Variants in GALNT7 observed in about 807,000 individuals in gnomAD.
GALNT7 encodes polypeptide N-acetylgalactosaminyltransferase 7, also known as N-acetylgalactosaminyltransferase 7.
Under a neutral mutation model 82.1 loss-of-function variants are expected in GALNT7, and 60 were observed. The observed-to-expected ratio is 0.73, with a 90% CI of 0.59 to 0.91. GALNT7 has a LOEUF of 0.91. GALNT7 is among the 40% of genes least tolerant of loss of function. The probability of loss-of-function intolerance (pLI) is 0.00; values close to 1 mark genes in which losing one functional copy is unlikely to be tolerated. For synonymous variants in GALNT7, 243 were observed against 275.1 expected, an observed-to-expected ratio of 0.88 and a Z score of 1.15; for missense variants, 660 against 804.2, an observed-to-expected ratio of 0.82 and a Z score of 2.17.
At chr4:173,207,453 T>C (rs1362799378) in intron 1 of GALNT7, among the ~76,000 whole-genome samples, 1 of 152,218 alleles carries the variant, frequency 6.6e-6, no homozygotes, top group African/African-American at 2.4e-5. Flanking sequence ...TTTGTACCTA[T>C]AGCTTAGTGT....
intron 3 of GALNT7, among the ~76,000 whole-genome samples, chr4:173,293,318 A>C (rs180847884): frequency 1.1e-4 from 17 of 152,016 alleles, no homozygotes; most frequent in African/African-American, 3.9e-4. Flanking sequence ...ACAAATCTCT[A>C]ATGAAGACAA....
At position 173,275,634 on chromosome 4, in the gene GALNT7, G is replaced by A. The variant is rs74444294; in HGVS notation, c.588-16474G>A. 2.8e-3 allele frequency among the ~76,000 whole-genome samples: 420 copies of A among 152,268 alleles called. 3 individuals carry two copies. Among genetic ancestry groups the A allele is most frequent in the African/African-American group, 7.0e-3 (289 of 41,536 alleles). Reference sequence around the variant, plus strand: ...CAGCCCTAGGATTCAGCCATGGTAAGGTGGAAAGTTTCTGGTACTAGCCCT... The same window carrying A: ...CAGCCCTAGGATTCAGCCATGGTAAAGTGGAAAGTTTCTGGTACTAGCCCT... On this transcript the variant is annotated intron_variant, in intron 2 of 11. Coordinates refer to ENST00000265000, the MANE Select transcript of GALNT7 (RefSeq NM_017423.3).
chr4:173,303,372 G>A (rs1452905183), intron 7 of GALNT7, among the ~76,000 whole-genome samples: 1 of 152,138 alleles, frequency 6.6e-6, no homozygotes, highest in Admixed American at 6.5e-5. Flanking sequence ...ACAGCAAGGA[G>A]CAAACTTTGG....
chr4:173,213,718 C>T (rs377005765), intron 1 of GALNT7, among the ~76,000 whole-genome samples: 2 of 152,174 alleles, frequency 1.3e-5, no homozygotes, highest in South Asian at 2.1e-4. Flanking sequence ...AAAATTCACT[C>T]TTATGAAATT....
intron 2 of GALNT7, among the ~76,000 whole-genome samples, chr4:173,259,123 AC>A (rs1735156891): frequency 6.6e-6 from 1 of 152,124 alleles, no homozygotes. Context: ...GGGCAAAATC[AC>A]CCCTGATTAA....
chr4:173,197,088 G>T (rs1211496175), intron 1 of GALNT7, among the ~76,000 whole-genome samples: 2 of 99,704 alleles, frequency 2.0e-5, no homozygotes, highest in East Asian at 2.9e-4. Flanking sequence ...TTTTTTGACA[G>T]GTAAACAGAA....
intron 2 of GALNT7, chr4:173,282,519 A>G (rs1369762870): frequency 6.6e-6 from 1 of 151,920 alleles, no homozygotes; most frequent in African/African-American, 2.4e-5. Flanking sequence ...CTCATTCCCC[A>G]CTTCAGAAGT....
chr4:173,249,802 A>C (rs540636652), intron 2 of GALNT7, among the ~76,000 whole-genome samples: 1 of 152,242 alleles, frequency 6.6e-6, no homozygotes, highest in South Asian at 2.1e-4. Flanking sequence ...TAGTCAGGAG[A>C]TAAAGATGGT....
chr4:173,231,363 G>GAGTTAAT (rs1233539888), intron 1 of GALNT7, among the ~76,000 whole-genome samples: 1 of 152,096 alleles, frequency 6.6e-6, no homozygotes, highest in Non-Finnish European at 1.5e-5. Flanking sequence ...AAGGCCCCTC[G>GAGTTAAT]AGTTAATTGT....
At chr4:173,300,879 A>G (rs1433985463) in intron 6 of GALNT7, among the ~76,000 whole-genome samples, 1 of 152,064 alleles carries the variant, frequency 6.6e-6, no homozygotes, top group African/African-American at 2.4e-5. Flanking sequence ...CATGCCTATA[A>G]TCCTAGCACT....
At chr4:173,289,396 G>A (rs1294526733) in intron 2 of GALNT7, among the ~76,000 whole-genome samples, 1 of 152,166 alleles carries the variant, frequency 6.6e-6, no homozygotes, top group African/African-American at 2.4e-5. Context: ...AAGGGTGGGG[G>A]TGGAGCAAAA....
rs1479459002 is a variant in GALNT7, at chr4:173,184,264, T to A, written c.126+15303T>A. The stretch of plus-strand genomic sequence containing the variant: ...AAGGCAGGCGGCTGGGAGGTGGAGG[T>A]TGTAGCGAGCCGAGATCACGCCACT... On this transcript the variant is annotated intron_variant, in intron 1 of 11. Coordinates refer to ENST00000265000, the MANE Select transcript of GALNT7 (RefSeq NM_017423.3). Among the ~76,000 whole-genome samples, 3 of 151,064 alleles carry A rather than the reference T, an allele frequency of 2.0e-5. No homozygotes were observed. In the East Asian group the frequency reaches 5.9e-4, roughly 30 times the overall value.
intron 2 of GALNT7, among the ~76,000 whole-genome samples, chr4:173,265,142 G>C (rs1735434057): frequency 6.6e-6 from 1 of 152,224 alleles, no homozygotes; most frequent in African/African-American, 2.4e-5. Context: ...GTTTCCCCAG[G>C]AGCAGGCAGG....
intron 1 of GALNT7, among the ~76,000 whole-genome samples, chr4:173,238,820 C>A (rs957351388): frequency 1.3e-5 from 2 of 152,128 alleles, no homozygotes; most frequent in African/African-American, 4.8e-5. Context: ...TTTCAAATTT[C>A]ATGTGTTACA....
chr4:173,303,287 G>A (rs1737023128), intron 7 of GALNT7, among the ~76,000 whole-genome samples: 1 of 152,150 alleles, frequency 6.6e-6, no homozygotes. Flanking sequence ...GCACAGATAA[G>A]GGATGGGAGG....
chr4:173,244,285 A>G (rs923623764), intron 1 of GALNT7, among the ~76,000 whole-genome samples: 3 of 152,224 alleles, frequency 2.0e-5, no homozygotes, highest in African/African-American at 7.2e-5. Flanking sequence ...TGCTGAAGAC[A>G]TTTCATAAAT....
intron 1 of GALNT7, among the ~76,000 whole-genome samples, chr4:173,176,665 C>G (rs547751990): frequency 1.3e-5 from 2 of 152,228 alleles, no homozygotes; most frequent in African/African-American, 4.8e-5. Flanking sequence ...GGACTGGATG[C>G]TGTCAGAGAG....
chr4:173,218,195 T>A (rs1733529888), intron 1 of GALNT7, among the ~76,000 whole-genome samples: 1 of 152,124 alleles, frequency 6.6e-6, no homozygotes, highest in African/African-American at 2.4e-5. Context: ...GCATAGACAT[T>A]TTCTGTAGAT....
intron 1 of GALNT7, among the ~76,000 whole-genome samples, chr4:173,185,616 A>C (rs918459495): frequency 6.6e-6 from 1 of 152,180 alleles, no homozygotes; most frequent in Non-Finnish European, 1.5e-5. Flanking sequence ...TATTTAGCAC[A>C]AGCAAAAAGG....
Sources: allele counts gnomAD v4.1 joint callset (sites outside exome capture counted in the v4.1 genomes callset), GRCh38; gene constraint gnomAD v4.1.1; transcripts MANE v1.5; gene names NCBI Gene and HGNC (gene_info 2026-07-23, HGNC 2026-07-21).